SKIC8: variants seen among roughly 807,000 people sequenced by gnomAD.
SKIC8 encodes the protein SKI8 subunit of superkiller complex, also known as superkiller complex protein 8.
chr15:78,286,091 G>A, the SKIC8 span: 5 of 1,613,850 alleles, frequency 3.1e-6, no homozygotes, highest in African/African-American at 6.7e-5. Flanking sequence ...TCAGCACCCA[G>A]GAGGCATGGC....
At chr15:78,292,463 C>T in the SKIC8 span, 18 of 773,026 alleles carry the variant, frequency 2.3e-5, no homozygotes, top group South Asian at 3.1e-4. Flanking sequence ...TTTCCAGCCC[C>T]ACTGAGGGTA....
chr15:78,285,908 T>C, the SKIC8 span: 1 of 693,638 alleles, frequency 1.4e-6, no homozygotes, highest in Non-Finnish European at 2.3e-6. Context: ...AAATAAAAAT[T>C]TTAAGAACTG....
the SKIC8 span, chr15:78,283,345 T>C: frequency 9.5e-7 from 1 of 1,051,684 alleles, no homozygotes; most frequent in Non-Finnish European, 1.4e-6. Context: ...AAATGCTATA[T>C]TTCTTTTAAA....
chr15:78,294,908 T>G, the SKIC8 span: 1 of 1,613,994 alleles, frequency 6.2e-7, no homozygotes, highest in Admixed American at 1.7e-5. Context: ...ACACAGTTTT[T>G]TTCACAGATG....
the SKIC8 span, among the ~76,000 whole-genome samples, chr15:78,293,550 T>C: frequency 5.9e-5 from 9 of 152,264 alleles, no homozygotes; most frequent in African/African-American, 1.9e-4. Context: ...ATCTGGTATA[T>C]AGGAGTCTAC....
the SKIC8 span, among the ~76,000 whole-genome samples, chr15:78,297,037 A>G: frequency 1.4e-4 from 21 of 152,354 alleles, no homozygotes; most frequent in African/African-American, 5.1e-4. Context: ...CTTACTGAAT[A>G]TACATTAGTA....
the SKIC8 span, among the ~76,000 whole-genome samples, chr15:78,291,373 T>A: frequency 6.6e-6 from 1 of 152,080 alleles, no homozygotes. Flanking sequence ...TATATTGGAG[T>A]CTTAATAGAC....
At chr15:78,283,467 C>G in the SKIC8 span, 2 of 1,613,776 alleles carry the variant, frequency 1.2e-6, no homozygotes, top group African/African-American at 2.7e-5. Context: ...ATTTCCTGGT[C>G]ATCTCCAACA....
chr15:78,299,219 C>T, the SKIC8 span, among the ~76,000 whole-genome samples: 1 of 152,180 alleles, frequency 6.6e-6, no homozygotes, highest in African/African-American at 2.4e-5. Context: ...GACAGCGTGG[C>T]CCACTACTGG....
the SKIC8 span, chr15:78,292,762 C>T: frequency 6.2e-7 from 1 of 1,614,010 alleles, no homozygotes. Flanking sequence ...CTCCAGACTC[C>T]ACTGTAGGTC....
chr15:78,292,906 G>C, the SKIC8 span: 219 of 1,245,108 alleles, frequency 1.8e-4, no homozygotes, highest in Non-Finnish European at 2.3e-4. Flanking sequence ...CAGAATCAGA[G>C]AAGAGTTAAT....
the SKIC8 span, among the ~76,000 whole-genome samples, chr15:78,298,800 G>C: frequency 2.6e-5 from 4 of 152,126 alleles, no homozygotes; most frequent in Admixed American, 6.5e-5. Flanking sequence ...CAGATAAGGG[G>C]GGAACTACTA....
chr15:78,295,615 A>G, the SKIC8 span: 2 of 1,609,148 alleles, frequency 1.2e-6, no homozygotes. Flanking sequence ...CAGAAAACCT[A>G]CTGGACTTGA....
chr15:78,283,945 T>G, the SKIC8 span: 1 of 155,380 alleles, frequency 6.4e-6, no homozygotes, highest in East Asian at 1.9e-4. Context: ...AGCTGACCCC[T>G]TGTGTCCGCC....
the SKIC8 span, among the ~76,000 whole-genome samples, chr15:78,289,459 G>C: frequency 6.6e-6 from 1 of 152,030 alleles, no homozygotes; most frequent in Non-Finnish European, 1.5e-5. Flanking sequence ...AAAAACTATA[G>C]TGACAAGACT....
the SKIC8 span, chr15:78,292,524 A>T: frequency 3.4e-5 from 53 of 1,544,438 alleles, 1 homozygote; most frequent in South Asian, 6.0e-4. Flanking sequence ...CAAATCCAAA[A>T]AATTCTGAGC....
At chr15:78,295,017 A>C in the SKIC8 span, 1 of 1,613,266 alleles carries the variant, frequency 6.2e-7, no homozygotes, top group Non-Finnish European at 8.5e-7. Flanking sequence ...GTCAGATTTC[A>C]GATGTCTCAC....
the SKIC8 span, chr15:78,289,554 G>A: frequency 7.8e-7 from 1 of 1,282,698 alleles, no homozygotes; most frequent in Non-Finnish European, 1.1e-6. Flanking sequence ...GCATTTCAAT[G>A]AAAGAATAAT....
chr15:78,295,135 T>C, the SKIC8 span: 1 of 757,500 alleles, frequency 1.3e-6, no homozygotes, highest in African/African-American at 1.8e-5. Context: ...TTCCCATTCA[T>C]GCAAGATTTG....
Sources: allele counts gnomAD v4.1 joint callset (sites outside exome capture counted in the v4.1 genomes callset), GRCh38; gene constraint gnomAD v4.1.1; transcripts MANE v1.5; gene names NCBI Gene and HGNC (gene_info 2026-07-23, HGNC 2026-07-21).